SAMD12: variants seen among roughly 807,000 people sequenced by gnomAD.
SAMD12 encodes sterile alpha motif domain-containing protein 12.
In SAMD12, 9 loss-of-function variants were observed where a neutral mutation model predicts 15.0. That is an observed-to-expected ratio of 0.60 (90% CI 0.36 to 1.05). SAMD12 has a LOEUF of 1.05. Among genes scored for constraint, SAMD12 ranks in the 50% least tolerant of loss-of-function variants. The pLI, the probability that SAMD12 is intolerant of heterozygous loss-of-function variation, is 0.01. For synonymous variants in SAMD12, 86 were observed against 90.1 expected (o/e 0.96, Z 0.25); for missense variants, 230 against 234.2 (o/e 0.98, Z 0.12).
chr8:118,284,279 G>A (rs1563731546), intron 4 of SAMD12: 1 of 456,266 alleles, frequency 2.2e-6, no homozygotes, highest in Non-Finnish European at 4.4e-6. Flanking sequence ...CAGTTTGGGT[G>A]TGCACCTGGC....
chr8:118,611,829 C>T (rs1408439070), intron 1 of SAMD12, among the ~76,000 whole-genome samples: 1 of 152,092 alleles, frequency 6.6e-6, no homozygotes, highest in Non-Finnish European at 1.5e-5. Flanking sequence ...CAGTGGTAAG[C>T]CCTGGAAAAT....
intron 4 of SAMD12, among the ~76,000 whole-genome samples, chr8:118,343,471 T>C (rs886264888): frequency 6.6e-6 from 1 of 151,974 alleles, no homozygotes; most frequent in Admixed American, 6.6e-5. Context: ...CCTATTTCGG[T>C]TAACATGGTG....
chr8:118,145,632 G>A, the SAMD12 span, among the ~76,000 whole-genome samples: 1 of 152,202 alleles, frequency 6.6e-6, no homozygotes. Context: ...TGGAGAGTAA[G>A]CCGTGAACGT....
At chr8:118,419,742 G>A (rs549097413) in intron 3 of SAMD12, among the ~76,000 whole-genome samples, 1 of 152,126 alleles carries the variant, frequency 6.6e-6, no homozygotes, top group Non-Finnish European at 1.5e-5. Flanking sequence ...AAGTTTTAAG[G>A]TTAAGATCCT....
rs1164675306 is a variant in SAMD12 at position 118,197,700 on chromosome 8, C to G, written c.*10G>C. On this transcript the variant is annotated 3_prime_UTR_variant, in exon 5 of 5. Coordinates refer to the SAMD12 transcript ENST00000409003. ...ACTGGCAGGACAGCAGCTTGGAAGG[C>G]TAACCGTGTTTATGGAGAACCCTCA... 3 of 1,612,736 alleles carry G rather than the reference C, an allele frequency of 1.9e-6. No individual in the cohort carries two copies. In the Admixed American group the frequency reaches 5.0e-5, roughly 27 times the overall value.
chr8:118,155,273 A>T, the SAMD12 span, among the ~76,000 whole-genome samples: 3 of 152,140 alleles, frequency 2.0e-5, no homozygotes, highest in Non-Finnish European at 4.4e-5. Context: ...GTTAGAACGG[A>T]CTCAACCCTA....
rs1047439855 is a variant in SAMD12 at position 118,506,944 on chromosome 8, G to A, written c.193-66983C>T. ...GCAGTAGTACTGTCACTCATGGGAG[G>A]GTATGGTGGTCATAAATAAACAGGT... On this transcript the variant is annotated intron_variant, in intron 2 of 3. Coordinates refer to ENST00000314727, the MANE Select transcript of SAMD12 (RefSeq NM_207506.3). 5.3e-5 allele frequency among the ~76,000 whole-genome samples: 8 copies of A among 152,006 alleles called. No homozygotes were observed. The East Asian group carries it at 1.2e-3, about 22-fold the overall frequency.
intron 3 of SAMD12, among the ~76,000 whole-genome samples, chr8:118,388,479 C>T (rs373406646): frequency 8.5e-5 from 13 of 152,058 alleles, no homozygotes; most frequent in African/African-American, 2.9e-4. Flanking sequence ...AGCAATTTCC[C>T]TGTAGTACTT....
downstream of SAMD12, among the ~76,000 whole-genome samples, chr8:118,376,168 C>T (rs1401747918): frequency 6.6e-6 from 1 of 152,170 alleles, no homozygotes; most frequent in Admixed American, 6.5e-5. Context: ...GAAACGCAAT[C>T]ATTTTTAAAA....
At chr8:118,414,409 T>C (rs1017663566) in intron 3 of SAMD12, among the ~76,000 whole-genome samples, 15 of 152,054 alleles carry the variant, frequency 9.9e-5, no homozygotes, top group Admixed American at 2.0e-4. Flanking sequence ...AAAGGAGAAA[T>C]AGGAAATAAT....
At chr8:118,192,893 G>C (rs1215919528) in exon 5 of SAMD12, 5 of 152,162 alleles carry the variant, frequency 3.3e-5, no homozygotes, top group Non-Finnish European at 7.3e-5. Flanking sequence ...TCTGAAGGAA[G>C]AATGCTTGGA....
At chr8:118,598,811 A>T (rs1827786638) in intron 1 of SAMD12, among the ~76,000 whole-genome samples, 1 of 152,224 alleles carries the variant, frequency 6.6e-6, no homozygotes, top group East Asian at 1.9e-4. Context: ...GCCACACACT[A>T]GAATCATCTG....
intron 2 of SAMD12, among the ~76,000 whole-genome samples, chr8:118,462,745 A>T (rs1275266028): frequency 2.0e-5 from 3 of 152,212 alleles, no homozygotes; most frequent in Non-Finnish European, 4.4e-5. Flanking sequence ...ACATGGGAAG[A>T]CATAAAGGCA....
the SAMD12 span, among the ~76,000 whole-genome samples, chr8:118,172,739 T>A: frequency 6.6e-6 from 1 of 152,190 alleles, no homozygotes; most frequent in Admixed American, 6.5e-5. Context: ...TGCTTCTGCC[T>A]CTCTTTCCTT....
chr8:118,318,049 T>C (rs1248706065), intron 4 of SAMD12, among the ~76,000 whole-genome samples: 3 of 151,758 alleles, frequency 2.0e-5, no homozygotes, highest in African/African-American at 7.3e-5. Flanking sequence ...CAAAAAACAA[T>C]AGATGGTGGT....
chr8:118,382,674 T>C (rs1819734464), intron 3 of SAMD12, among the ~76,000 whole-genome samples: 2 of 152,204 alleles, frequency 1.3e-5, no homozygotes, highest in Non-Finnish European at 2.9e-5. Flanking sequence ...CCTGAGAATA[T>C]AATTATTTCT....
the SAMD12 span, among the ~76,000 whole-genome samples, chr8:118,180,488 T>C: frequency 6.6e-6 from 1 of 152,182 alleles, no homozygotes; most frequent in African/African-American, 2.4e-5. Flanking sequence ...CAGAGAAATG[T>C]GGCTCATTCT....
At chr8:118,132,972 G>GTA in the SAMD12 span, among the ~76,000 whole-genome samples, 46 of 48,152 alleles carry the variant, frequency 9.6e-4, no homozygotes, top group Non-Finnish European at 1.3e-3. Context: ...GTGTGTGTGT[G>GTA]TATATATATA....
chr8:118,196,022 T>C (rs1229232728), exon 5 of SAMD12: 3 of 152,244 alleles, frequency 2.0e-5, no homozygotes, highest in Non-Finnish European at 4.4e-5. Context: ...TGACTGCAAC[T>C]TCTCTGAGTT....
Sources: allele counts gnomAD v4.1 joint callset (sites outside exome capture counted in the v4.1 genomes callset), GRCh38; gene constraint gnomAD v4.1.1; transcripts MANE v1.5; gene names NCBI Gene and HGNC (gene_info 2026-07-23, HGNC 2026-07-21).